FBXL20: variants seen among roughly 807,000 people sequenced by gnomAD.
FBXL20 encodes the protein F-box/LRR-repeat protein 20.
FBXL20 carries 11 observed loss-of-function variants against 64.0 expected under a neutral mutation model. That is an observed-to-expected ratio of 0.17 (90% CI 0.11 to 0.28). FBXL20 has a LOEUF of 0.28. Ranked by LOEUF, FBXL20 falls within the 10% of genes least tolerant of loss-of-function variation. The probability of loss-of-function intolerance (pLI) is 1.00; values close to 1 mark genes in which losing one functional copy is unlikely to be tolerated. For missense variants in FBXL20, 303 were observed against 526.2 expected, an observed-to-expected ratio of 0.58 and a Z score of 4.15; for synonymous variants, 184 against 189.0, an observed-to-expected ratio of 0.97 and a Z score of 0.22.
chr17:39,335,575 T>A, intron 2 of FBXL20, among the ~76,000 whole-genome samples: 1 of 92,728 alleles, frequency 1.1e-5, no homozygotes. Context: ...AGAGTGAGAC[T>A]CCGTCTCAAA....
At chr17:39,265,252 T>TC in intron 13 of FBXL20, 145 bp downstream of exon 13, 1 of 589,706 alleles carries the variant, frequency 1.7e-6, no homozygotes, top group South Asian at 2.4e-5. Context: ...ACTCATGTAC[T>TC]CCTTTGGTTC....
chr17:39,309,020 CTTGAGG>C (rs2047208378), intron 2 of FBXL20, among the ~76,000 whole-genome samples: 1 of 152,134 alleles, frequency 6.6e-6, no homozygotes, highest in South Asian at 2.1e-4. Flanking sequence ...TAGTAAAAGC[CTTGAGG>C]CTTTTAAAAG....
At chr17:39,388,459 CA>C (rs932603359) in intron 1 of FBXL20, among the ~76,000 whole-genome samples, 31 of 137,652 alleles carry the variant, frequency 2.3e-4, no homozygotes, top group Admixed American at 3.6e-4. Context: ...GAACCTGTCT[CA>C]AAAAAAAAAA....
chr17:39,327,556 C>T (rs2047420124), intron 2 of FBXL20, among the ~76,000 whole-genome samples: 1 of 151,970 alleles, frequency 6.6e-6, no homozygotes, highest in South Asian at 2.1e-4. Flanking sequence ...TCTATCCAGC[C>T]ACCTATACAG....
chr17:39,303,579 A>G lies in FBXL20; in HGVS notation c.159+6T>C. ...GTCCCCCTGTAACTATGCCAACAAT[A>G]CTTACCCTGGAGACCTGAGCACAGC... On this transcript the variant is annotated splice_donor_region_variant and intron_variant, in intron 3 of 14. Coordinates refer to ENST00000264658, the MANE Select transcript of FBXL20 (RefSeq NM_032875.3). The G allele has an allele frequency of 1.9e-6, 3 of 1,609,158 alleles. No homozygotes were observed. Among genetic ancestry groups the G allele is most frequent in the Non-Finnish European group, 2.5e-6 (3 of 1,177,598 alleles).
At chr17:39,291,439 T>C (rs1414443350) in intron 6 of FBXL20, among the ~76,000 whole-genome samples, 2 of 144,622 alleles carry the variant, frequency 1.4e-5, no homozygotes, top group African/African-American at 2.6e-5. Flanking sequence ...TTCTTTTTTT[T>C]TTTTTTTTTT....
chr17:39,318,707 T>A (rs1769036293), intron 2 of FBXL20, among the ~76,000 whole-genome samples: 1 of 152,050 alleles, frequency 6.6e-6, no homozygotes, highest in African/African-American at 2.4e-5. Flanking sequence ...GCCACTGCAC[T>A]CCAGCCTGGG....
intron 2 of FBXL20, among the ~76,000 whole-genome samples, chr17:39,306,474 A>G (rs2047184423): frequency 6.6e-6 from 1 of 152,160 alleles, no homozygotes; most frequent in Non-Finnish European, 1.5e-5. Context: ...TTTAGTTCTT[A>G]GATATAGGTC....
At chr17:39,375,547 C>G (rs1166694250) in intron 1 of FBXL20, among the ~76,000 whole-genome samples, 3 of 152,038 alleles carry the variant, frequency 2.0e-5, no homozygotes, top group African/African-American at 7.2e-5. Flanking sequence ...TGAAATGTTC[C>G]CAACACATAG....
intron 1 of FBXL20, among the ~76,000 whole-genome samples, chr17:39,385,237 G>A (rs1021453087): frequency 4.0e-5 from 6 of 150,932 alleles, no homozygotes; most frequent in South Asian, 4.2e-4. Flanking sequence ...ACACACACGC[G>A]CGTGCGTGCA....
chr17:39,320,737 G>A (rs1273643201), intron 2 of FBXL20, among the ~76,000 whole-genome samples: 2 of 151,938 alleles, frequency 1.3e-5, no homozygotes, highest in South Asian at 2.1e-4. Context: ...TGGGACTACA[G>A]GTAAATACAA....
At chr17:39,346,494 T>C (rs992474639) in intron 1 of FBXL20, among the ~76,000 whole-genome samples, 1 of 151,842 alleles carries the variant, frequency 6.6e-6, no homozygotes, top group Non-Finnish European at 1.5e-5. Context: ...AGGAAGGAAA[T>C]AAAGTTAGGA....
chr17:39,387,267 A>G (rs2048089969), intron 1 of FBXL20, among the ~76,000 whole-genome samples: 1 of 147,014 alleles, frequency 6.8e-6, no homozygotes, highest in South Asian at 2.1e-4. Context: ...GGTTAGGTGT[A>G]TTAACTGCAC....
At chr17:39,365,034 A>G (rs2047845677) in intron 1 of FBXL20, among the ~76,000 whole-genome samples, 1 of 152,228 alleles carries the variant, frequency 6.6e-6, no homozygotes, top group Non-Finnish European at 1.5e-5. Flanking sequence ...GAAATTTAAA[A>G]AAAGAAATTT....
At chr17:39,338,127 C>T (rs570974043) in intron 2 of FBXL20, among the ~76,000 whole-genome samples, 2 of 152,312 alleles carry the variant, frequency 1.3e-5, no homozygotes, top group East Asian at 3.9e-4. Context: ...ATTGAGAAAT[C>T]GGATGGTTGC....
At chr17:39,315,385 T>C (rs1356610677) in intron 2 of FBXL20, among the ~76,000 whole-genome samples, 1 of 105,228 alleles carries the variant, frequency 9.5e-6, no homozygotes, top group African/African-American at 5.4e-5. Flanking sequence ...GGGCAAAGTT[T>C]AAATAATTTA....
At chr17:39,377,337 T>G (rs1259001667) in intron 1 of FBXL20, among the ~76,000 whole-genome samples, 2 of 152,180 alleles carry the variant, frequency 1.3e-5, no homozygotes, top group East Asian at 3.9e-4. Context: ...CACTCCTGGC[T>G]CACTGACTTT....
intron 7 of FBXL20, among the ~76,000 whole-genome samples, chr17:39,283,398 C>G (rs1261919434): frequency 6.6e-6 from 1 of 151,870 alleles, no homozygotes; most frequent in African/African-American, 2.4e-5. Flanking sequence ...CATTGATACT[C>G]AAAAAGTTTG....
intron 1 of FBXL20, among the ~76,000 whole-genome samples, chr17:39,344,476 A>C (rs2047613432): frequency 6.6e-6 from 1 of 152,058 alleles, no homozygotes; most frequent in Non-Finnish European, 1.5e-5. Context: ...AGATGTTCGG[A>C]AATCTGGAAT....
Sources: allele counts gnomAD v4.1 joint callset (sites outside exome capture counted in the v4.1 genomes callset), GRCh38; gene constraint gnomAD v4.1.1; transcripts MANE v1.5; gene names NCBI Gene and HGNC (gene_info 2026-07-23, HGNC 2026-07-21).